MAP3K9: variants seen among roughly 807,000 people sequenced by gnomAD.
MAP3K9 encodes the protein mitogen-activated protein kinase kinase kinase 9.
In MAP3K9, 46 loss-of-function variants were observed where a neutral mutation model predicts 95.8. That is an observed-to-expected ratio of 0.48 (90% confidence interval 0.38 to 0.61). MAP3K9 has a LOEUF of 0.61. MAP3K9 is among the 20% of genes least tolerant of loss of function. MAP3K9 has a pLI of 0.00. For missense variants in MAP3K9, 1,296 were observed against 1,474.3 expected, an observed-to-expected ratio of 0.88 and a Z score of 1.98; for synonymous variants, 533 against 593.8, an observed-to-expected ratio of 0.90 and a Z score of 1.49.
chr14:70,738,013 A>T (rs923143263), intron 8 of MAP3K9, among the ~76,000 whole-genome samples: 1 of 152,204 alleles, frequency 6.6e-6, no homozygotes, highest in Non-Finnish European at 1.5e-5. Flanking sequence ...CATAGGAATC[A>T]CAAGGCCTAA....
chr14:70,795,390 C>T (rs1348588749), intron 2 of MAP3K9, among the ~76,000 whole-genome samples: 2 of 152,030 alleles, frequency 1.3e-5, no homozygotes, highest in African/African-American at 4.8e-5. Flanking sequence ...CTCACTGCAG[C>T]CTCAACTTTC....
intron 2 of MAP3K9, among the ~76,000 whole-genome samples, chr14:70,796,667 G>A (rs2054867818): frequency 6.6e-6 from 1 of 152,194 alleles, no homozygotes; most frequent in South Asian, 2.1e-4. Flanking sequence ...GGAGATTAAT[G>A]GGAGCCAACT....
intron 2 of MAP3K9, among the ~76,000 whole-genome samples, chr14:70,769,018 A>T (rs1310157553): frequency 6.6e-6 from 1 of 152,172 alleles, no homozygotes; most frequent in Non-Finnish European, 1.5e-5. Context: ...TACACATAGG[A>T]GAGTACATTA....
chr14:70,808,224 A>C (rs1406954755), intron 1 of MAP3K9, among the ~76,000 whole-genome samples: 1 of 152,236 alleles, frequency 6.6e-6, no homozygotes, highest in Non-Finnish European at 1.5e-5. Flanking sequence ...CCGACATTTT[A>C]CAGGCAACTG....
intron 5 of MAP3K9, among the ~76,000 whole-genome samples, chr14:70,744,115 C>T (rs1466753991): frequency 1.3e-5 from 2 of 152,172 alleles, no homozygotes; most frequent in Non-Finnish European, 2.9e-5. Flanking sequence ...GAAAACCAAA[C>T]ACCTCATGTT....
chr14:70,771,193 G>A (rs56801523), intron 2 of MAP3K9, among the ~76,000 whole-genome samples: 6,339 of 152,176 alleles, frequency 0.042, 135 homozygotes, highest in East Asian at 0.093. Context: ...GGTTTGCTGT[G>A]GCTTTCACTG....
In MAP3K9 at chr14:70,768,384, T is replaced by C. The variant is rs369972763; in HGVS notation, c.821-7202A>G. Among the ~76,000 whole-genome samples, 18 of 152,258 alleles carry C rather than the reference T, an allele frequency of 1.2e-4. No homozygotes were observed. In the East Asian group the frequency reaches 3.3e-3, roughly 28 times the overall value. ...AAAATTCTCCTAACATTGAGTAACC[T>C]GTACAAACAAATAAAATGAAACAAA... On this transcript the variant is annotated intron_variant, in intron 2 of 11. Transcript: ENST00000554752.
intron 7 of MAP3K9, 74 bp from the exon 8 acceptor site, chr14:70,738,472 CCACACA>C: frequency 1.6e-6 from 2 of 1,237,142 alleles, no homozygotes; most frequent in Non-Finnish European, 2.3e-6. Context: ...CTCTATACCA[CCACACA>C]CACACACACA....
At chr14:70,750,723 G>A (rs1482614228) in intron 3 of MAP3K9, among the ~76,000 whole-genome samples, 1 of 152,162 alleles carries the variant, frequency 6.6e-6, no homozygotes, top group Admixed American at 6.5e-5. Flanking sequence ...CTGACCTCCT[G>A]TGATCCTCCC....
At position 70,724,580 on chromosome 14, in the gene MAP3K9, G is replaced by A. The variant is rs1232929361; in HGVS notation, c.*5800C>T. 6.6e-6 allele frequency: 1 copy of A among 151,880 alleles called. No homozygotes were observed. The highest frequency in any genetic ancestry group is 1.5e-5 in the Non-Finnish European group (1 of 67,984). 9.4% of individuals were successfully genotyped at this position (151,880 alleles called of 1,614,324 possible). On this transcript the variant is annotated 3_prime_UTR_variant, in exon 12 of 12. Coordinates refer to ENST00000554752, the MANE Select transcript of MAP3K9 (RefSeq NM_001284230.2). ...CTCAGTAATCAAGGTAAATCATATT[G>A]CAATGCAGTATTTTTTAAAAATCAG...
At chr14:70,794,612 G>C (rs1451328357) in intron 2 of MAP3K9, among the ~76,000 whole-genome samples, 2 of 152,018 alleles carry the variant, frequency 1.3e-5, no homozygotes, top group South Asian at 4.2e-4. Context: ...ATGCAAAAAT[G>C]CACAGAAAAA....
At chr14:70,801,203 C>A in intron 1 of MAP3K9, 123 bp from the exon 2 acceptor site, 1 of 909,246 alleles carries the variant, frequency 1.1e-6, no homozygotes, top group Non-Finnish European at 1.6e-6. Flanking sequence ...TTCTGTCTCC[C>A]CATTATAAAG....
chr14:70,775,250 CA>C (rs532361974), intron 2 of MAP3K9, among the ~76,000 whole-genome samples: 5 of 152,128 alleles, frequency 3.3e-5, no homozygotes, highest in Non-Finnish European at 7.3e-5. Context: ...CACATTACCT[CA>C]TGCAGTTTTC....
intron 4 of MAP3K9, chr14:70,749,471 T>C (rs1197984651): frequency 2.4e-5 from 4 of 163,484 alleles, no homozygotes; most frequent in African/African-American, 9.6e-5. Context: ...AATCGAATTC[T>C]ACCTAATCCC....
chr14:70,808,734 C>T, intron 1 of MAP3K9, 32 bp downstream of exon 1: 6 of 1,414,368 alleles, frequency 4.2e-6, no homozygotes, highest in Non-Finnish European at 5.6e-6. Flanking sequence ...TCCGTCATTC[C>T]CCCTCCCCGC....
rs764793311 is a variant in MAP3K9 at position 70,733,340 on chromosome 14, C to G, written c.2029G>C (p.Asp677His). 1 of 1,278,036 alleles carries G rather than the reference C, an allele frequency of 7.8e-7. No individual in the cohort carries two copies. Among genetic ancestry groups the G allele is most frequent in the East Asian group, 2.3e-5 (1 of 42,688 alleles). The allele number at this position is 1,278,036 out of a possible 1,614,324, so 79.2% of individuals were successfully genotyped here. ...PGFTSLMEME[D>H]EDSEGPGSGE... is the part of the protein sequence containing the mutation. ...CTCCCTGGGCCTTCACTGTCCTCAT[C>G]CTCTGTGAAGATGACAAGAGTGGAA... Residue 677 changes from aspartate to histidine, a missense_variant and splice_region_variant, in exon 11 of 12, where the codon GAT (aspartate) becomes CAT (histidine). This residue lies in a region of MAP3K9 where 377 missense variants were observed against 417.1 expected (regional missense o/e 0.90). Coordinates refer to ENST00000554752, the MANE Select transcript of MAP3K9 (RefSeq NM_001284230.2).
intron 1 of MAP3K9, 87 bp from the exon 2 acceptor site, chr14:70,801,167 C>T (rs545160164): frequency 9.3e-6 from 12 of 1,286,152 alleles, no homozygotes; most frequent in East Asian, 7.3e-5. Context: ...TGGGTAAACA[C>T]GGCAAGTTGT....
At chr14:70,774,193 T>A (rs1322031117) in intron 2 of MAP3K9, among the ~76,000 whole-genome samples, 1 of 152,180 alleles carries the variant, frequency 6.6e-6, no homozygotes, top group East Asian at 1.9e-4. Context: ...CTGTGCTAAA[T>A]AGGCAAGGGG....
intron 3 of MAP3K9, 99 bp from the exon 4 acceptor site, chr14:70,750,180 C>T: frequency 9.3e-7 from 1 of 1,080,642 alleles, no homozygotes; most frequent in Non-Finnish European, 1.4e-6. Context: ...TTCTCCCCAA[C>T]AGATAGTGAG....
Sources: allele counts gnomAD v4.1 joint callset (sites outside exome capture counted in the v4.1 genomes callset), GRCh38; gene constraint gnomAD v4.1.1; regional missense constraint gnomAD v4.1.1; transcripts MANE v1.5; gene names NCBI Gene and HGNC (gene_info 2026-07-23, HGNC 2026-07-21).